Variants in HSPA12A observed in about 807,000 individuals in gnomAD.
The protein encoded by HSPA12A is heat shock protein family A (Hsp70) member 12A, also known as heat shock 70 kDa protein 12A.
In HSPA12A, 28 loss-of-function variants were observed where a neutral mutation model predicts 69.2. The observed-to-expected ratio is 0.40, with a 90% CI of 0.30 to 0.55. The LOEUF (loss-of-function observed/expected upper bound fraction) is 0.55. Among genes scored for constraint, HSPA12A ranks in the 20% least tolerant of loss-of-function variants. The pLI, the probability that HSPA12A is intolerant of heterozygous loss-of-function variation, is 0.38. For synonymous variants in HSPA12A, 345 were observed against 370.5 expected, an observed-to-expected ratio of 0.93 and a Z score of 0.79; for missense variants, 686 against 900.7, an observed-to-expected ratio of 0.76 and a Z score of 3.05.
At chr10:116,813,783 C>T (rs1845245250) in intron 2 of HSPA12A, among the ~76,000 whole-genome samples, 1 of 152,034 alleles carries the variant, frequency 6.6e-6, no homozygotes, top group South Asian at 2.1e-4. Context: ...ACTTGGGAGG[C>T]TGAGGTAAGG....
chr10:116,712,708 C>T (rs553651135), intron 1 of HSPA12A, among the ~76,000 whole-genome samples: 3 of 152,008 alleles, frequency 2.0e-5, no homozygotes, highest in South Asian at 2.1e-4. Flanking sequence ...AGCAAATGGC[C>T]GTGAGCAGAA....
At chr10:116,734,778 G>T (rs1851264328) in intron 1 of HSPA12A, among the ~76,000 whole-genome samples, 1 of 151,494 alleles carries the variant, frequency 6.6e-6, no homozygotes, top group Non-Finnish European at 1.5e-5. Context: ...CAGATCACAA[G>T]GTCAGGAGAT....
intron 1 of HSPA12A, chr10:116,835,095 T>A: frequency 1.0e-6 from 1 of 967,294 alleles, no homozygotes; most frequent in Non-Finnish European, 1.3e-6. Context: ...AGTCGCGTAC[T>A]CGTGCTGGTT....
intron 5 of HSPA12A, among the ~76,000 whole-genome samples, chr10:116,697,150 T>C (rs2132953480): frequency 6.6e-6 from 1 of 152,342 alleles, no homozygotes; most frequent in South Asian, 2.1e-4. Context: ...TCACTTCTTC[T>C]TTGTCTCCCT....
At chr10:116,683,149 G>A (rs1554878939) in intron 7 of HSPA12A, among the ~76,000 whole-genome samples, 1 of 152,002 alleles carries the variant, frequency 6.6e-6, no homozygotes, top group African/African-American at 2.4e-5. Context: ...GGGCGTGTCT[G>A]CAAACCCTAT....
chr10:116,729,324 C>G lies in HSPA12A; in HGVS notation c.40+13106G>C, dbSNP rs528136082. On this transcript the variant is annotated intron_variant, in intron 1 of 11. Coordinates refer to ENST00000369209, the MANE Select transcript of HSPA12A (RefSeq NM_025015.3). ...CCCTCCCTTTGGGGCACGGTCCAGG[C>G]CTTGAGATCCCCCACCATCGGAGGT... 3.3e-5 allele frequency among the ~76,000 whole-genome samples: 5 copies of G among 152,300 alleles called. No individual in the cohort carries two copies. The East Asian group carries it at 7.8e-4, about 24-fold the overall frequency.
chr10:116,775,663 G>T (rs1844319238), intron 2 of HSPA12A, among the ~76,000 whole-genome samples: 1 of 152,184 alleles, frequency 6.6e-6, no homozygotes, highest in African/African-American at 2.4e-5. Context: ...ATGCTGGGAA[G>T]GTGCTGGGGC....
chr10:116,748,633 T>C (rs770135734), intron 2 of HSPA12A, among the ~76,000 whole-genome samples: 3 of 152,152 alleles, frequency 2.0e-5, no homozygotes, highest in Non-Finnish European at 4.4e-5. Context: ...CTGGGGAGGC[T>C]TCACAATCAT....
chr10:116,802,799 T>C (rs1319258507), intron 2 of HSPA12A, among the ~76,000 whole-genome samples: 1 of 152,228 alleles, frequency 6.6e-6, no homozygotes, highest in African/African-American at 2.4e-5. Flanking sequence ...CCCTGCCCAC[T>C]GTTGGGCTTG....
At chr10:116,697,393 T>C (rs1161367725) in intron 5 of HSPA12A, among the ~76,000 whole-genome samples, 2 of 127,992 alleles carry the variant, frequency 1.6e-5, no homozygotes, top group Non-Finnish European at 3.2e-5. Context: ...CAGACCTTTG[T>C]GGGGGCGACC....
chr10:116,674,934 G>T lies in HSPA12A; in HGVS notation c.1875C>A (p.Arg625=), dbSNP rs1224185434. Residue 625 remains arginine (R), a synonymous_variant, in exon 12 of 12, where the codon CGC becomes CGA. Transcript: ENST00000369209. Reference sequence around the variant, plus strand: ...TGCCACTGGTCCCTGTGAGATCCAGGCGGAGCGTGCCACACTTCTTCACCC... The same window carrying T: ...TGCCACTGGTCCCTGTGAGATCCAGTCGGAGCGTGCCACACTTCTTCACCC... The part of the protein sequence containing the change: ...DPGVKKCGTL[R]LDLTGTSGTA... The T allele has an allele frequency of 6.2e-7, 1 of 1,614,058 alleles. No individual in the cohort carries two copies. Among genetic ancestry groups the T allele is most frequent in the Non-Finnish European group, 8.5e-7 (1 of 1,180,054 alleles).
intron 1 of HSPA12A, among the ~76,000 whole-genome samples, chr10:116,731,761 CT>C (rs1391441729): frequency 1.3e-5 from 2 of 152,186 alleles, no homozygotes; most frequent in African/African-American, 4.8e-5. Context: ...ATCGTGCCCC[CT>C]AACTCCCCCT....
At chr10:116,729,179 C>T (rs555489540) in intron 1 of HSPA12A, among the ~76,000 whole-genome samples, 1 of 152,274 alleles carries the variant, frequency 6.6e-6, no homozygotes, top group South Asian at 2.1e-4. Context: ...TCCATCTCTC[C>T]CTTCTCCAGA....
At chr10:116,688,102 AC>A (rs1199734446) in intron 6 of HSPA12A, among the ~76,000 whole-genome samples, 2 of 152,258 alleles carry the variant, frequency 1.3e-5, no homozygotes, top group East Asian at 3.9e-4. Context: ...AAGATTGGAC[AC>A]CCCTGTTATT....
intron 2 of HSPA12A, among the ~76,000 whole-genome samples, chr10:116,773,495 GA>G (rs2133121982): frequency 6.6e-6 from 1 of 152,352 alleles, no homozygotes; most frequent in East Asian, 1.9e-4. Flanking sequence ...CGGGTTTCGA[GA>G]AGGTAACATG....
At chr10:116,727,505 G>A (rs1851005949) in intron 1 of HSPA12A, among the ~76,000 whole-genome samples, 1 of 152,188 alleles carries the variant, frequency 6.6e-6, no homozygotes, top group African/African-American at 2.4e-5. Flanking sequence ...CCGAGTCCAG[G>A]TAGGAGGAGA....
In HSPA12A at chr10:116,706,186, C is replaced by T. The variant is rs530735961; in HGVS notation, c.127-908G>A. ...CTGGGATCATAGGCGTGAGCCACCA[C>T]GCCTGGCCTCTTTTTTTTTTTTTAA... On this transcript the variant is annotated intron_variant, in intron 2 of 11. Transcript: ENST00000369209. 7.7e-5 allele frequency among the ~76,000 whole-genome samples: 10 copies of T among 130,594 alleles called. No individual in the cohort carries two copies. The East Asian group carries it at 8.2e-4, about 11-fold the overall frequency. The allele number at this position is 130,594 out of a possible 152,430, so 85.7% of individuals were successfully genotyped here.
intron 1 of HSPA12A, among the ~76,000 whole-genome samples, chr10:116,713,934 G>A (rs1850523336): frequency 6.6e-6 from 1 of 151,902 alleles, no homozygotes; most frequent in Non-Finnish European, 1.5e-5. Flanking sequence ...TTGGGGTAGG[G>A]CCAAGTCTTA....
intron 7 of HSPA12A, among the ~76,000 whole-genome samples, chr10:116,682,456 G>C (rs1019578526): frequency 2.5e-5 from 3 of 117,752 alleles, no homozygotes; most frequent in Admixed American, 1.6e-4. Flanking sequence ...TAAATAGACT[G>C]GGGGGGGGGG....
Sources: allele counts gnomAD v4.1 joint callset (sites outside exome capture counted in the v4.1 genomes callset), GRCh38; gene constraint gnomAD v4.1.1; transcripts MANE v1.5; gene names NCBI Gene and HGNC (gene_info 2026-07-23, HGNC 2026-07-21).